The following PNRC2 variants were observed in gnomAD, a reference collection of about 807,000 sequenced individuals.
PNRC2 encodes the protein proline-rich nuclear receptor coactivator 2.
PNRC2 carries 2 observed loss-of-function variants against 12.2 expected under a neutral mutation model. The ratio of observed to expected loss-of-function variants is 0.16; its 90% CI spans 0.07 to 0.52. The LOEUF is 0.52. Among genes scored for constraint, PNRC2 ranks in the 20% least tolerant of loss-of-function variants. The pLI is 0.95. For synonymous variants in PNRC2, 44 were observed against 53.9 expected, an observed-to-expected ratio of 0.82 and a Z score of 0.80; for missense variants, 115 against 158.4, an observed-to-expected ratio of 0.73 and a Z score of 1.47.
At chr1:23,960,834 T>G (rs961238008) in intron 1 of PNRC2, 95 bp from the exon 2 acceptor site, 1 of 396,010 alleles carries the variant, frequency 2.5e-6, no homozygotes, top group African/African-American at 2.1e-5. Flanking sequence ...GTTCAGGAAG[T>G]AGCCTTCTTT....
intron 2 of PNRC2, 89 bp from the exon 3 acceptor site, chr1:23,961,351 G>A: frequency 1.1e-6 from 1 of 944,792 alleles, no homozygotes; most frequent in Non-Finnish European, 1.6e-6. Context: ...AATATCTGGA[G>A]TTATAAGTTG....
intron 2 of PNRC2, 56 bp from the exon 3 acceptor site, chr1:23,961,384 A>C (rs1242119152): frequency 5.4e-6 from 7 of 1,297,444 alleles, no homozygotes; most frequent in South Asian, 4.4e-5. Context: ...CTTCTTAAAG[A>C]TTTTGAACTT....
In PNRC2 at chr1:23,962,388, C is replaced by G. The variant is rs904079710; in HGVS notation, c.*511C>G. ...GTGGGTGGAAAGGGCATTTGGAGCT[C>G]ATTAGAATGAGACATAGTACACCCC... On this transcript the variant is annotated 3_prime_UTR_variant, in exon 3 of 3. Transcript: ENST00000334351. 6.6e-4 allele frequency: 111 copies of G among 167,808 alleles called. No homozygotes were observed. Among genetic ancestry groups the G allele is most frequent in the African/African-American group, 2.6e-3 (107 of 41,354 alleles). 10.4% of individuals were successfully genotyped at this position (167,808 alleles called of 1,614,324 possible).
chr1:23,961,190 T>C, intron 2 of PNRC2, 56 bp downstream of exon 2: 1 of 438,974 alleles, frequency 2.3e-6, no homozygotes, highest in Non-Finnish European at 4.0e-6. Flanking sequence ...ACCAATTGTT[T>C]TTATTTTAAA....
chr1:23,961,184 A>G (rs1483016951), intron 2 of PNRC2, 50 bp downstream of exon 2: 4 of 439,896 alleles, frequency 9.1e-6, no homozygotes, highest in Non-Finnish European at 1.2e-5. Flanking sequence ...TCCTAAACCA[A>G]TTGTTTTTAT....
rs1196178462 is a variant in PNRC2 at position 23,961,691 on chromosome 1, A to C, written c.234A>C (p.Leu78Phe). 4.3e-6 allele frequency: 7 copies of C among 1,613,862 alleles called. No individual in the cohort carries two copies. The highest frequency in any genetic ancestry group is 5.9e-6 in the Non-Finnish European group (7 of 1,179,884). ...ATAATCAAAGTTGGAATTCTAGCTT[A>C]TCAGGTCCCAGGTTACTTTTTAAAT... ...FPNNQSWNSS[L>F]SGPRLLFKSQ... Residue 78 changes from leucine to phenylalanine, a missense_variant, in exon 3 of 3, where the codon TTA becomes TTC. By Grantham distance (22) the Leu-to-Phe change is conservative. This residue lies in a region of PNRC2 where 98 missense variants were observed against 112.4 expected (regional missense o/e 0.87). Transcript: ENST00000334351.
chr1:23,962,714 T>C lies in PNRC2; in HGVS notation c.*837T>C, dbSNP rs2148488330. The C allele has an allele frequency of 6.0e-6, 1 of 167,094 alleles. No individual in the cohort carries two copies. The highest frequency in any genetic ancestry group is 1.5e-5 in the Non-Finnish European group (1 of 68,062). The allele number at this position is 167,094 out of a possible 1,614,324, so 10.4% of individuals were successfully genotyped here. A position where few individuals can be genotyped will look rare whatever the true frequency, so the allele number is the denominator to read the frequency against. On this transcript the variant is annotated 3_prime_UTR_variant, in exon 3 of 3. Coordinates refer to ENST00000334351, the MANE Select transcript of PNRC2 (RefSeq NM_017761.4). Reference sequence around the variant, plus strand: ...TGGCCTTTATCTTACAAAAATGGAGTATTTTAGTATGAATTTGCTGAATGT... The same window carrying C: ...TGGCCTTTATCTTACAAAAATGGAGCATTTTAGTATGAATTTGCTGAATGT...
At chr1:23,960,730 G>A (rs1001070607) in intron 1 of PNRC2, among the ~76,000 whole-genome samples, 199 bp from the exon 2 acceptor site, 41 of 152,286 alleles carry the variant, frequency 2.7e-4, no homozygotes, top group African/African-American at 9.9e-4. Context: ...AAATTCCCCA[G>A]GAGTGACTGG....
chr1:23,960,717 C>A (rs1483995749), intron 1 of PNRC2, among the ~76,000 whole-genome samples: 5 of 152,160 alleles, frequency 3.3e-5, no homozygotes, highest in African/African-American at 4.8e-5. Flanking sequence ...GAGACACTTA[C>A]AAAAATTCCC....
In PNRC2 at chr1:23,961,638, A is replaced by G; in HGVS notation, c.181A>G (p.Asn61Asp). 6.2e-7 allele frequency: 1 copy of G among 1,613,942 alleles called. No individual in the cohort carries two copies. The highest frequency in any genetic ancestry group is 8.5e-7 in the Non-Finnish European group (1 of 1,179,828). Residue 61 changes from asparagine (N) to aspartate (D), a missense_variant, in exon 3 of 3, where the codon AAT (asparagine) becomes GAT (aspartate). Transcript: ENST00000334351. ...AGCAGCTGCCTGGCAGGCCATGCAA[A>G]ATGGGGGGAAGAACAAAAATTTTCC... ...SSAAAWQAMQ[N>D]GGKNKNFPNN...
In PNRC2 at chr1:23,961,552, A is replaced by G; in HGVS notation, c.95A>G (p.Gln32Arg). The change falls in exon 3 of 3, where the codon CAG (glutamine) becomes CGG (arginine). Residue 32 changes from glutamine (Q) to arginine (R), a missense_variant. Transcript: ENST00000334351. Reference protein sequence around the residue: ...QQLNRQKTKEQNSQMKIVHKK... With the variant: ...QQLNRQKTKERNSQMKIVHKK... ...CTTAACAGACAGAAGACCAAGGAAC[A>G]GAATTCCCAGATGAAGATTGTTCAT... 1 of 1,613,696 alleles carries G rather than the reference A, an allele frequency of 6.2e-7. No homozygotes were observed. Among genetic ancestry groups the G allele is most frequent in the Admixed American group, 1.7e-5 (1 of 60,008 alleles).
upstream of PNRC2, among the ~76,000 whole-genome samples, chr1:23,959,614 A>G (rs1570750067): frequency 6.6e-6 from 1 of 152,170 alleles, no homozygotes; most frequent in African/African-American, 2.4e-5. Context: ...AGAAAGGACT[A>G]AGACACCGGT....
chr1:23,962,358 G>A lies in PNRC2; in HGVS notation c.*481G>A, dbSNP rs1404936475. 5.9e-6 allele frequency: 1 copy of A among 169,332 alleles called. No individual in the cohort carries two copies. The highest frequency in any genetic ancestry group is 1.4e-5 in the Non-Finnish European group (1 of 69,718). 10.5% of individuals were successfully genotyped at this position (169,332 alleles called of 1,614,324 possible). On this transcript the variant is annotated 3_prime_UTR_variant, in exon 3 of 3. Coordinates refer to ENST00000334351, the MANE Select transcript of PNRC2 (RefSeq NM_017761.4). ...CGTAATAATTGCATTTTAGTGAATT[G>A]TACAGTGGGTGGAAAGGGCATTTGG...
chr1:23,959,606 A>G (rs1315812459), upstream of PNRC2, among the ~76,000 whole-genome samples: 1 of 152,098 alleles, frequency 6.6e-6, no homozygotes, highest in Admixed American at 6.5e-5. Flanking sequence ...GCCGCCGGAG[A>G]AAGGACTAAG....
intron 1 of PNRC2, among the ~76,000 whole-genome samples, chr1:23,960,438 T>G (rs1641255359): frequency 6.6e-6 from 1 of 152,200 alleles, no homozygotes; most frequent in Non-Finnish European, 1.5e-5. Flanking sequence ...AGAACTTATT[T>G]TAAGACGGGG....
intron 2 of PNRC2, 53 bp from the exon 3 acceptor site, chr1:23,961,387 T>C (rs41307878): frequency 0.039 from 52,415 of 1,330,128 alleles, 1,466 homozygotes; most frequent in African/African-American, 0.13. Flanking sequence ...CTTAAAGATT[T>C]TGAACTTTTC....
Position 23,961,876 on chromosome 1 carries a change from A to T in PNRC2, c.419A>T (p.Ter140LeuextTer6). Residue 140 changes from the stop codon to leucine (L), a stop_lost, in exon 3 of 3, where the codon TAA (stop) becomes TTA (leucine). Transcript: ENST00000334351. ...QLKTLLKVQV* is the reference protein window; with the variant it reads ...QLKTLLKVQVL ...AAAACCTTACTTAAAGTACAGGTAT[A>T]AAATAAGACAAATGTTTAAATTTAG... 1.3e-6 allele frequency: 2 copies of T among 1,506,120 alleles called. No homozygotes were observed. Among genetic ancestry groups the T allele is most frequent in the Non-Finnish European group, 1.8e-6 (2 of 1,103,068 alleles). The allele number at this position is 1,506,120 out of a possible 1,614,324, so 93.3% of individuals were successfully genotyped here.
chr1:23,960,255 GTTGT>G lies in PNRC2; in HGVS notation c.-225+260_-225+263del, dbSNP rs1350563755. On this transcript the variant is annotated intron_variant, in intron 1 of 2. Coordinates refer to ENST00000334351, the MANE Select transcript of PNRC2 (RefSeq NM_017761.4). ...GTCCGGAAATGGCAATTTATTTAGG[GTTGT>G]TTATCTGTTTGGAAAGCTCTCTTAC... 9.2e-5 allele frequency among the ~76,000 whole-genome samples: 14 copies of G among 152,352 alleles called. No homozygotes were observed. In the Middle Eastern group the frequency reaches 0.01, roughly 111 times the overall value.
At position 23,961,054 on chromosome 1, in the gene PNRC2, G is replaced by A. The variant is rs1410534638; in HGVS notation, c.-99G>A. On this transcript the variant is annotated 5_prime_UTR_variant, in exon 2 of 3. Coordinates refer to ENST00000334351, the MANE Select transcript of PNRC2 (RefSeq NM_017761.4). ...GACAAAGGAAGGGATCTGTCAGAAA[G>A]CAACACTTGTTATCTTGGGCTTGGC... is the stretch of plus-strand genomic sequence containing the variant. 4 of 407,234 alleles carry A rather than the reference G, an allele frequency of 9.8e-6. No homozygotes were observed. The Admixed American group carries it at 1.6e-4, about 17-fold the overall frequency. 25.2% of individuals were successfully genotyped at this position (407,234 alleles called of 1,614,324 possible). A position where few individuals can be genotyped will look rare whatever the true frequency, so the allele number is the denominator to read the frequency against.
Sources: allele counts gnomAD v4.1 joint callset (sites outside exome capture counted in the v4.1 genomes callset), GRCh38; gene constraint gnomAD v4.1.1; regional missense constraint gnomAD v4.1.1; transcripts MANE v1.5; gene names NCBI Gene and HGNC (gene_info 2026-07-23, HGNC 2026-07-21).